SIK2: variants seen among roughly 807,000 people sequenced by gnomAD.
SIK2 encodes the protein serine/threonine-protein kinase SIK2.
In SIK2, 29 loss-of-function variants were observed where a neutral mutation model predicts 103.2. That is an observed-to-expected ratio of 0.28 (90% CI 0.21 to 0.38). The LOEUF (loss-of-function observed/expected upper bound fraction) is 0.38, where lower values mean the gene tolerates loss of function less well. SIK2 is among the 10% of genes least tolerant of loss of function. The pLI is 1.00. For missense variants in SIK2, 879 were observed against 1,171.0 expected (o/e 0.75, Z 3.64); for synonymous variants, 412 against 446.1 (o/e 0.92, Z 0.96).
rs527535605 is a variant in SIK2 at position 111,712,475 on chromosome 11, C to T, written c.1266+100C>T. 109 of 1,265,494 alleles carry T rather than the reference C, an allele frequency of 8.6e-5. 1 individual carries two copies. The East Asian group carries it at 2.6e-3, about 30-fold the overall frequency. The allele number at this position is 1,265,494 out of a possible 1,614,324, so 78.4% of individuals were successfully genotyped here. A position where few individuals can be genotyped will look rare whatever the true frequency, so the allele number is the denominator to read the frequency against. On this transcript the variant is annotated intron_variant, in intron 9 of 14. Transcript: ENST00000304987. ...TTGGCTTTATTGAACTTTATCATTT[C>T]GTTAAGTCACTCAGGAGTGATGCTT... is the stretch of plus-strand genomic sequence containing the variant.
At chr11:111,720,364 A>T in intron 10 of SIK2, 114 bp from the exon 11 acceptor site, 1 of 1,125,918 alleles carries the variant, frequency 8.9e-7, no homozygotes, top group Non-Finnish European at 1.2e-6. Flanking sequence ...AGATGTTTTG[A>T]TTGGAAATTA....
In SIK2 at chr11:111,720,890, T is replaced by G. The variant is rs1443013875; in HGVS notation, c.1781-9T>G. ...AGTTAAACTGTTTGGTCTTGGTGCT[T>G]TCTTTCAGGAATTGTAGCATTTAGA... On this transcript the variant is annotated splice_polypyrimidine_tract_variant and intron_variant, in intron 11 of 14. Transcript: ENST00000304987. 2 of 1,612,864 alleles carry G rather than the reference T, an allele frequency of 1.2e-6. No individual in the cohort carries two copies. The highest frequency in any genetic ancestry group is 3.3e-5 in the Admixed American group (2 of 59,812).
intron 3 of SIK2, among the ~76,000 whole-genome samples, chr11:111,628,804 A>AT (rs1162667954): frequency 1.3e-4 from 19 of 151,444 alleles, no homozygotes; most frequent in Middle Eastern, 3.4e-3. Flanking sequence ...GTATTTCTGG[A>AT]TTTTTTTTTC....
chr11:111,698,911 C>A (rs181009496), intron 4 of SIK2, among the ~76,000 whole-genome samples: 4 of 152,256 alleles, frequency 2.6e-5, no homozygotes, highest in Admixed American at 2.6e-4. Context: ...TGAACATAGT[C>A]CTTGACTCAT....
intron 3 of SIK2, among the ~76,000 whole-genome samples, chr11:111,660,558 G>A (rs931387079): frequency 3.3e-5 from 5 of 152,100 alleles, no homozygotes; most frequent in African/African-American, 1.2e-4. Flanking sequence ...AATATATCTG[G>A]TATATACCTC....
intron 12 of SIK2, 64 bp from the exon 13 acceptor site, chr11:111,721,766 C>G: frequency 7.6e-7 from 1 of 1,317,592 alleles, no homozygotes; most frequent in South Asian, 1.4e-5. Context: ...GGTGCTTCAG[C>G]TAAGAACTGA....
intron 9 of SIK2, among the ~76,000 whole-genome samples, chr11:111,715,232 G>A (rs1214775518): frequency 1.3e-5 from 2 of 152,186 alleles, no homozygotes; most frequent in African/African-American, 4.8e-5. Flanking sequence ...TTTGTGGACC[G>A]TTTTATTTAT....
chr11:111,672,287 A>G, intron 3 of SIK2: 1 of 403,516 alleles, frequency 2.5e-6, no homozygotes, highest in Non-Finnish European at 4.5e-6. Flanking sequence ...GTTGCCCACC[A>G]GGAGAAGCTC....
chr11:111,626,240 A>T lies in SIK2; in HGVS notation c.316+5838A>T, dbSNP rs1281619267. On this transcript the variant is annotated intron_variant, in intron 3 of 14. Coordinates refer to ENST00000304987, the MANE Select transcript of SIK2 (RefSeq NM_015191.3). ...TAGAATTAATTTAAAAAGATCATGA[A>T]ATCTTTGGATAGTCTTCACTAGTTT... Among the ~76,000 whole-genome samples the T allele has an allele frequency of 3.3e-5, 5 of 152,294 alleles. No homozygotes were observed. In the East Asian group the frequency reaches 9.6e-4, roughly 29 times the overall value.
intron 3 of SIK2, among the ~76,000 whole-genome samples, chr11:111,669,237 C>T (rs575982850): frequency 6.6e-6 from 1 of 152,210 alleles, no homozygotes; most frequent in South Asian, 2.1e-4. Context: ...TGTGTGTGAG[C>T]ATGCTAGAGG....
At chr11:111,715,241 A>G (rs894968557) in intron 9 of SIK2, among the ~76,000 whole-genome samples, 1 of 152,198 alleles carries the variant, frequency 6.6e-6, no homozygotes, top group African/African-American at 2.4e-5. Context: ...CGTTTTATTT[A>G]TGTCAGCAAA....
intron 1 of SIK2, among the ~76,000 whole-genome samples, chr11:111,609,634 C>T (rs1180431439): frequency 6.6e-6 from 1 of 152,126 alleles, no homozygotes; most frequent in Non-Finnish European, 1.5e-5. Flanking sequence ...CAAATTAAAT[C>T]CTAATGAGAA....
intron 2 of SIK2, among the ~76,000 whole-genome samples, chr11:111,616,575 C>T (rs1335846728): frequency 2.0e-5 from 3 of 152,110 alleles, no homozygotes; most frequent in African/African-American, 7.2e-5. Context: ...TAAAAGTTTG[C>T]AGTGTGGGCT....
intron 3 of SIK2, among the ~76,000 whole-genome samples, chr11:111,682,797 C>T (rs1565352177): frequency 6.6e-6 from 1 of 152,152 alleles, no homozygotes; most frequent in African/African-American, 2.4e-5. Context: ...CCTATGCTAA[C>T]CTTCATCACA....
chr11:111,634,524 C>A (rs956831047), intron 3 of SIK2, among the ~76,000 whole-genome samples: 1 of 152,082 alleles, frequency 6.6e-6, no homozygotes, highest in Non-Finnish European at 1.5e-5. Flanking sequence ...ACTTCTCCAA[C>A]ATCTTCTATC....
intron 2 of SIK2, among the ~76,000 whole-genome samples, chr11:111,616,909 A>G (rs1275426443): frequency 6.6e-6 from 1 of 152,132 alleles, no homozygotes; most frequent in Non-Finnish European, 1.5e-5. Flanking sequence ...CCTAATAAGG[A>G]TGTGGCAGTT....
intron 9 of SIK2, 114 bp from the exon 10 acceptor site, chr11:111,719,661 T>C: frequency 9.6e-7 from 1 of 1,046,654 alleles, no homozygotes; most frequent in South Asian, 1.5e-5. Flanking sequence ...TATGTGCATG[T>C]TTAAATATTT....
In SIK2 at chr11:111,616,338, T is replaced by A; in HGVS notation, c.231T>A (p.Pro77=). 1 of 1,607,538 alleles carries A rather than the reference T, an allele frequency of 6.2e-7. No individual in the cohort carries two copies. The highest frequency in any genetic ancestry group is 8.5e-7 in the Non-Finnish European group (1 of 1,174,226). Residue 77 remains proline, a synonymous_variant, in exon 2 of 15, where the codon CCT becomes CCA. Coordinates refer to ENST00000304987, the MANE Select transcript of SIK2 (RefSeq NM_015191.3). The part of the protein sequence containing the change: ...EVQIMKMLDH[P]HIIKLYQVME... ...AAATAATGAAAATGTTAGACCACCCTCACATAATCAAACTTTATCAGGTAT... is the reference window on the plus strand; with the variant it reads ...AAATAATGAAAATGTTAGACCACCCACACATAATCAAACTTTATCAGGTAT...
chr11:111,685,938 G>A (rs1444010349), intron 3 of SIK2, among the ~76,000 whole-genome samples: 1 of 152,162 alleles, frequency 6.6e-6, no homozygotes, highest in African/African-American at 2.4e-5. Context: ...AAAAAATTAT[G>A]TCAAATATTA....
Sources: allele counts gnomAD v4.1 joint callset (sites outside exome capture counted in the v4.1 genomes callset), GRCh38; gene constraint gnomAD v4.1.1; transcripts MANE v1.5; gene names NCBI Gene and HGNC (gene_info 2026-07-23, HGNC 2026-07-21).